RAD54L2: variants seen among roughly 807,000 people sequenced by gnomAD.
RAD54L2 encodes the protein RAD54 like 2.
RAD54L2 carries 27 observed loss-of-function variants against 138.4 expected under a neutral mutation model. That is an observed-to-expected ratio of 0.20 (90% confidence interval 0.14 to 0.27). RAD54L2 has a LOEUF of 0.27. Ranked by LOEUF, RAD54L2 falls within the 10% of genes least tolerant of loss-of-function variation. The pLI is 1.00. For synonymous variants in RAD54L2, 644 were observed against 723.2 expected (o/e 0.89, Z 1.76); for missense variants, 1,396 against 1,890.2 (o/e 0.74, Z 4.85).
chr3:51,630,522 G>A, intron 6 of RAD54L2, 134 bp downstream of exon 6: 2 of 1,000,064 alleles, frequency 2.0e-6, no homozygotes, highest in Non-Finnish European at 2.9e-6. Context: ...GTGTCTCCTT[G>A]GTAAATATAA....
intron 21 of RAD54L2, among the ~76,000 whole-genome samples, chr3:51,659,323 T>A (rs1043837817): frequency 2.0e-5 from 3 of 152,090 alleles, no homozygotes; most frequent in Non-Finnish European, 4.4e-5. Flanking sequence ...GCCAGGATGG[T>A]CTCAATCTCC....
At chr3:51,636,033 G>C (rs924205047) in intron 10 of RAD54L2, among the ~76,000 whole-genome samples, 1 of 152,148 alleles carries the variant, frequency 6.6e-6, no homozygotes, top group Non-Finnish European at 1.5e-5. Flanking sequence ...AGATTCCTCT[G>C]TTCGTCTATC....
Position 51,639,580 on chromosome 3 carries a change from G to C in RAD54L2, c.2022G>C (p.Ser674=), listed in dbSNP as rs1184003976. ...GKGEDSTLAS[S]MGEATNSKFL... is the part of the protein sequence containing the mutation. ...GAGAGGATAGCACCTTGGCTTCCTCGATGGGAGAGGCAACCAATAGCAAGT... is the reference window on the plus strand; with the variant it reads ...GAGAGGATAGCACCTTGGCTTCCTCCATGGGAGAGGCAACCAATAGCAAGT... Residue 674 remains serine (S), a synonymous_variant, in exon 13 of 23, where the codon TCG becomes TCC. Coordinates refer to ENST00000684192, the MANE Select transcript of RAD54L2 (RefSeq NM_015106.4). The C allele has an allele frequency of 1.2e-6, 2 of 1,613,974 alleles. No individual in the cohort carries two copies. The highest frequency in any genetic ancestry group is 1.1e-5 in the South Asian group (1 of 91,082).
chr3:51,575,639 G>A (rs1369256514), intron 2 of RAD54L2, among the ~76,000 whole-genome samples: 1 of 151,962 alleles, frequency 6.6e-6, no homozygotes, highest in African/African-American at 2.4e-5. Flanking sequence ...TCATGATTTG[G>A]CTCTCTGTTT....
intron 3 of RAD54L2, among the ~76,000 whole-genome samples, chr3:51,606,209 G>A (rs1012587470): frequency 6.6e-6 from 1 of 152,194 alleles, no homozygotes. Context: ...AGGGATAGGT[G>A]TAGTGTCTTA....
Position 51,538,740 on chromosome 3 carries a change from TG to T in RAD54L2, c.-290del, listed in dbSNP as rs1236136116. On this transcript the variant is annotated 5_prime_UTR_variant, in exon 1 of 23. Transcript: ENST00000684192. ...GGAGGCTGGCGAGCGCCGCCGCCGG[TG>T]GAGACCGACGCTTGGCCAGAGCCAG... Among the ~76,000 whole-genome samples the T allele has an allele frequency of 6.6e-6, 1 of 151,760 alleles. No individual in the cohort carries two copies. Among genetic ancestry groups the T allele is most frequent in the East Asian group, 1.9e-4 (1 of 5,166 alleles).
chr3:51,641,138 G>A (rs1462403168), intron 14 of RAD54L2, among the ~76,000 whole-genome samples: 1 of 151,624 alleles, frequency 6.6e-6, no homozygotes, highest in African/African-American at 2.4e-5. Context: ...GAGTAGCTGG[G>A]ACCACAGGCA....
At chr3:51,554,777 A>G (rs1299514773) in intron 2 of RAD54L2, among the ~76,000 whole-genome samples, 1 of 152,126 alleles carries the variant, frequency 6.6e-6, no homozygotes, top group Admixed American at 6.6e-5. Flanking sequence ...TTAAGACTTC[A>G]TCTACATAAT....
intron 15 of RAD54L2, 137 bp downstream of exon 15, chr3:51,642,004 C>T: frequency 1.5e-6 from 1 of 651,842 alleles, no homozygotes. Context: ...CAGGGGGATA[C>T]TAAGAGCCAG....
At chr3:51,555,769 C>T (rs1305922954) in intron 2 of RAD54L2, among the ~76,000 whole-genome samples, 1 of 152,064 alleles carries the variant, frequency 6.6e-6, no homozygotes. Flanking sequence ...ACAGTTAGAT[C>T]CATTTCATCG....
At chr3:51,595,221 T>C (rs1699935519) in intron 3 of RAD54L2, among the ~76,000 whole-genome samples, 1 of 152,188 alleles carries the variant, frequency 6.6e-6, no homozygotes, top group Admixed American at 6.5e-5. Flanking sequence ...GGAATGGTAC[T>C]CTAGCACTGT....
intron 2 of RAD54L2, among the ~76,000 whole-genome samples, chr3:51,569,246 A>G (rs1324294798): frequency 1.3e-5 from 2 of 152,210 alleles, no homozygotes; most frequent in Non-Finnish European, 2.9e-5. Context: ...GCTGCATGCC[A>G]AGTCACTCAG....
At chr3:51,552,350 C>T (rs1698858841) in intron 2 of RAD54L2, among the ~76,000 whole-genome samples, 1 of 151,434 alleles carries the variant, frequency 6.6e-6, no homozygotes, top group African/African-American at 2.4e-5. Flanking sequence ...GCAAGCTCCG[C>T]CTCCCGGGTT....
chr3:51,657,575 C>G lies in RAD54L2; in HGVS notation c.3227-5C>G. ...ATCTAAATTTAAGATCTGTGTTTTT[C>G]CTAGATATTGTTATTCCTGGACTCA... On this transcript the variant is annotated splice_polypyrimidine_tract_variant and splice_region_variant and intron_variant, in intron 20 of 22. Transcript: ENST00000684192. The G allele has an allele frequency of 6.5e-7, 1 of 1,545,958 alleles. No homozygotes were observed. Among genetic ancestry groups the G allele is most frequent in the Non-Finnish European group, 8.8e-7 (1 of 1,134,758 alleles).
In RAD54L2 at chr3:51,645,119, G is replaced by A. The variant is rs918492089; in HGVS notation, c.2546G>A (p.Arg849Gln). 1 of 1,613,938 alleles carries A rather than the reference G, an allele frequency of 6.2e-7. No individual in the cohort carries two copies. Among genetic ancestry groups the A allele is most frequent in the Non-Finnish European group, 8.5e-7 (1 of 1,179,886 alleles). ...NPCHDAQAVC[R>Q]VYRYGQKKPC... is the part of the protein sequence containing the mutation. ...TGCCATGATGCCCAGGCAGTATGTC[G>A]GGTATACCGTTATGGCCAGAAAAAG... Residue 849 changes from arginine to glutamine, a missense_variant, in exon 17 of 23, where the codon CGG (arginine) becomes CAG (glutamine). By Grantham distance (43) the Arg-to-Gln change is conservative. Around this residue, in one of 7 missense-constraint regions of RAD54L2, gnomAD observed 78 missense variants for 171.6 expected, o/e 0.45. Coordinates refer to ENST00000684192, the MANE Select transcript of RAD54L2 (RefSeq NM_015106.4). The surrounding 1 kb of genome is among the most constrained non-coding windows in gnomAD (Gnocchi z 6.1).
Position 51,638,527 on chromosome 3 carries a change from G to A in RAD54L2, c.1860+206G>A, listed in dbSNP as rs1315977702. On this transcript the variant is annotated intron_variant, in intron 12 of 22. Coordinates refer to ENST00000684192, the MANE Select transcript of RAD54L2 (RefSeq NM_015106.4). This position sits in a 1 kb window ranked among gnomAD's most constrained non-coding sequence, Gnocchi z 4.3. ...CTCCTGGGGGTGCCATTCACACAGT[G>A]TAATATAACTGATGCCCCCTGCAGT... The A allele has an allele frequency of 3.4e-6, 2 of 582,042 alleles. No individual in the cohort carries two copies. The highest frequency in any genetic ancestry group is 6.0e-6 in the Non-Finnish European group (2 of 332,826). 36.1% of individuals were successfully genotyped at this position (582,042 alleles called of 1,614,324 possible). A position where few individuals can be genotyped will look rare whatever the true frequency, so the allele number is the denominator to read the frequency against.
chr3:51,607,450 A>G (rs1700212732), intron 3 of RAD54L2, among the ~76,000 whole-genome samples: 1 of 152,230 alleles, frequency 6.6e-6, no homozygotes, highest in Non-Finnish European at 1.5e-5. Context: ...ACAGCATCCC[A>G]AGGCAGAAGA....
chr3:51,640,578 G>C (rs2106816605), intron 14 of RAD54L2, among the ~76,000 whole-genome samples: 3 of 152,294 alleles, frequency 2.0e-5, no homozygotes, highest in Middle Eastern at 6.8e-3. Flanking sequence ...TATGCTCCAA[G>C]AAGAGCCAAG....
chr3:51,582,632 A>G (rs1699633350), intron 2 of RAD54L2, among the ~76,000 whole-genome samples: 1 of 151,600 alleles, frequency 6.6e-6, no homozygotes, highest in South Asian at 2.1e-4. Context: ...GGAGAAGGAA[A>G]CGAACCTTTC....
Sources: gnomAD v4.1 joint callset for allele counts (sites outside exome capture counted in the v4.1 genomes callset) on GRCh38, gnomAD v4.1.1 for gene constraint, gnomAD v4.1.1 regional missense constraint, Gnocchi (gnomAD v3.1) non-coding constraint, MANE v1.5 for transcripts, NCBI Gene and HGNC (gene_info 2026-07-23, HGNC 2026-07-21) for gene names.